CCPG1: variants seen among roughly 807,000 people sequenced by gnomAD.
The protein encoded by CCPG1 is cell cycle progression 1.
CCPG1 carries 46 observed loss-of-function variants against 81.3 expected under a neutral mutation model. The ratio of observed to expected loss-of-function variants is 0.57; its 90% CI spans 0.45 to 0.72. CCPG1 has a LOEUF of 0.72. CCPG1 is among the 30% of genes least tolerant of loss of function. The pLI is 0.00. For synonymous variants in CCPG1, 330 were observed against 305.2 expected, an observed-to-expected ratio of 1.08 and a Z score of -0.85; for missense variants, 902 against 937.6, an observed-to-expected ratio of 0.96 and a Z score of 0.50.
chr15:55,359,550 T>C lies in CCPG1; in HGVS notation c.2223A>G (p.Pro741=). Residue 741 remains proline, a synonymous_variant, in exon 8 of 9, where the codon CCA becomes CCG. Coordinates refer to ENST00000442196, the MANE Select transcript of CCPG1 (RefSeq NM_001204450.2). ...TTATGTAAACCGACCTGGGTCCATA[T>C]GGAGGGGAAAAAGTGTGACCAAAGA... The part of the protein sequence containing the change: ...RHFFGHTFSP[P]YGPSRPDKKQ... The C allele has an allele frequency of 1.2e-6, 2 of 1,607,034 alleles. No homozygotes were observed. Among genetic ancestry groups the C allele is most frequent in the South Asian group, 1.1e-5 (1 of 89,598 alleles).
chr15:55,367,526 C>T (rs112170244), intron 6 of CCPG1, among the ~76,000 whole-genome samples: 6 of 152,152 alleles, frequency 3.9e-5, no homozygotes, highest in African/African-American at 1.4e-4. Context: ...TGCTATCACT[C>T]CTATTAAGAA....
chr15:55,372,692 T>C (rs2056478038), intron 5 of CCPG1: 1 of 255,728 alleles, frequency 3.9e-6, no homozygotes, highest in African/African-American at 2.3e-5. Context: ...ATTACAGGTA[T>C]AAACAAGTAT....
intron 5 of CCPG1, 71 bp from the exon 6 acceptor site, chr15:55,372,115 A>G (rs1285740765): frequency 7.0e-7 from 1 of 1,426,040 alleles, no homozygotes; most frequent in Non-Finnish European, 9.6e-7. Flanking sequence ...AATTATTTAG[A>G]ATAATCAATG....
Position 55,359,766 on chromosome 15 carries a change from A to T in CCPG1, c.2007T>A (p.Asp669Glu). ...IIQRYMLKEL[D>E]TFCHWNELDQ... ...CAAGTTCGTTCCAGTGACAAAAAGT[A>T]TCCAGTTCTTTTAACATGTACCTTT... is the stretch of plus-strand genomic sequence containing the variant. The change falls in exon 8 of 9, where the codon GAT (aspartate) becomes GAA (glutamate). Residue 669 changes from aspartate to glutamate, a missense_variant. Around this residue, in one of 3 missense-constraint regions of CCPG1, gnomAD observed 746 missense variants for 728.6 expected, o/e 1.02. Coordinates refer to ENST00000442196, the MANE Select transcript of CCPG1 (RefSeq NM_001204450.2). 1 of 1,613,488 alleles carries T rather than the reference A, an allele frequency of 6.2e-7. No individual in the cohort carries two copies. The highest frequency in any genetic ancestry group is 1.1e-5 in the South Asian group (1 of 91,068).
chr15:55,356,808 T>C (rs1270488057), intron 8 of CCPG1: 1 of 992,048 alleles, frequency 1.0e-6, no homozygotes, highest in Admixed American at 6.1e-5. Context: ...CTCAACTTTT[T>C]CTTACAGCAA....
chr15:55,390,381 T>C (rs1035591427), intron 1 of CCPG1, among the ~76,000 whole-genome samples: 2 of 152,056 alleles, frequency 1.3e-5, no homozygotes, highest in African/African-American at 4.8e-5. Context: ...CTCCACCTGG[T>C]TTTTTCTTTT....
intron 1 of CCPG1, among the ~76,000 whole-genome samples, chr15:55,392,896 A>T (rs375090912): frequency 6.6e-6 from 1 of 152,118 alleles, no homozygotes; most frequent in Non-Finnish European, 1.5e-5. Flanking sequence ...TAAGGGCAGG[A>T]GTTCAACACC....
chr15:55,381,160 GCA>G (rs1299072095), intron 3 of CCPG1, among the ~76,000 whole-genome samples: 1 of 150,428 alleles, frequency 6.6e-6, no homozygotes, highest in Non-Finnish European at 1.5e-5. Context: ...ATTAGGCCGG[GCA>G]CAGTGGCTCA....
At chr15:55,372,313 C>T in intron 5 of CCPG1, 2 of 474,306 alleles carry the variant, frequency 4.2e-6, no homozygotes, top group Non-Finnish European at 7.6e-6. Flanking sequence ...TTATTTAATC[C>T]TCCTCGCCTT....
At chr15:55,358,305 C>T in intron 8 of CCPG1, 1 of 882,332 alleles carries the variant, frequency 1.1e-6, no homozygotes, top group Middle Eastern at 5.8e-4. Context: ...TGTTCTATCC[C>T]TGGTTTCCAG....
intron 1 of CCPG1, among the ~76,000 whole-genome samples, chr15:55,398,732 C>A (rs1051499808): frequency 6.6e-6 from 1 of 152,044 alleles, no homozygotes; most frequent in African/African-American, 2.4e-5. Context: ...CAGGTGCGCA[C>A]CACCATGCCG....
chr15:55,373,558 T>C (rs920159037), intron 5 of CCPG1, among the ~76,000 whole-genome samples: 4 of 152,190 alleles, frequency 2.6e-5, no homozygotes, highest in Non-Finnish European at 4.4e-5. Context: ...AGAGATCTTT[T>C]TGGTCATGAC....
chr15:55,376,395 A>G (rs2056565932), intron 5 of CCPG1, among the ~76,000 whole-genome samples: 1 of 152,232 alleles, frequency 6.6e-6, no homozygotes, highest in South Asian at 2.1e-4. Context: ...AATGTGGCTT[A>G]CACTAGTGAC....
Position 55,377,136 on chromosome 15 carries a change from C to T in CCPG1, c.267G>A (p.Lys89=), listed in dbSNP as rs1479039768. The T allele has an allele frequency of 3.7e-6, 6 of 1,611,714 alleles. No homozygotes were observed. The East Asian group carries it at 1.3e-4, about 36-fold the overall frequency. ...CAATATAGATACTGTCTTCGGGTATCTTTTGTTCCTCTGCCTGAAGAATCA... is the reference window on the plus strand; with the variant it reads ...CAATATAGATACTGTCTTCGGGTATTTTTTGTTCCTCTGCCTGAAGAATCA... ...TSSTIEAEEQ[K]IPEDSIYIGT... Residue 89 remains lysine, a synonymous_variant, in exon 5 of 9, where the codon AAG becomes AAA. Coordinates refer to ENST00000442196, the MANE Select transcript of CCPG1 (RefSeq NM_001204450.2).
chr15:55,375,558 G>C (rs960397680), intron 5 of CCPG1, among the ~76,000 whole-genome samples: 2 of 152,092 alleles, frequency 1.3e-5, no homozygotes, highest in Admixed American at 6.5e-5. Flanking sequence ...GTTTTCCTCT[G>C]AACATCAAGA....
intron 1 of CCPG1, among the ~76,000 whole-genome samples, chr15:55,404,511 T>C (rs1369517833): frequency 6.6e-6 from 1 of 152,236 alleles, no homozygotes; most frequent in East Asian, 1.9e-4. Flanking sequence ...ATATCAGACA[T>C]ATAAAACATG....
chr15:55,398,184 T>C (rs1331121280), intron 1 of CCPG1: 1 of 152,156 alleles, frequency 6.6e-6, no homozygotes, highest in Non-Finnish European at 1.5e-5. Context: ...ACAGTATCAA[T>C]TTTACCTCAT....
At chr15:55,358,105 A>G (rs2056119531) in intron 8 of CCPG1, 1 of 152,646 alleles carries the variant, frequency 6.6e-6, no homozygotes, top group African/African-American at 2.4e-5. Flanking sequence ...TGACCCCAAA[A>G]TACAACAGTG....
intron 8 of CCPG1, chr15:55,356,893 A>C (rs2056089337): frequency 1.0e-6 from 1 of 985,888 alleles, no homozygotes. Flanking sequence ...GGAAGTCCAT[A>C]CTGTCATCCC....
Sources: gnomAD v4.1 joint callset for allele counts (sites outside exome capture counted in the v4.1 genomes callset) on GRCh38, gnomAD v4.1.1 for gene constraint, gnomAD v4.1.1 regional missense constraint, MANE v1.5 for transcripts, NCBI Gene and HGNC (gene_info 2026-07-23, HGNC 2026-07-21) for gene names.